The following CDK14 variants were observed in gnomAD, a reference collection of about 807,000 sequenced individuals.
The protein encoded by CDK14 is cyclin dependent kinase 14, also known as cyclin-dependent kinase 14.
CDK14 carries 34 observed loss-of-function variants against 60.7 expected under a neutral mutation model. That is an observed-to-expected ratio of 0.56 (90% CI 0.43 to 0.75). The LOEUF (loss-of-function observed/expected upper bound fraction) is 0.75, where lower values mean the gene tolerates loss of function less well. Among genes scored for constraint, CDK14 ranks in the 30% least tolerant of loss-of-function variants. The pLI, the probability that CDK14 is intolerant of heterozygous loss-of-function variation, is 0.00. For synonymous variants in CDK14, 197 were observed against 203.7 expected (o/e 0.97, Z 0.28); for missense variants, 482 against 564.1 (o/e 0.85, Z 1.47).
chr7:91,029,743 C>G (rs556133177), intron 10 of CDK14, among the ~76,000 whole-genome samples: 27 of 152,036 alleles, frequency 1.8e-4, no homozygotes, highest in African/African-American at 6.3e-4. Flanking sequence ...GATTTGTGTA[C>G]ATTGATTTTT....
intron 12 of CDK14, among the ~76,000 whole-genome samples, chr7:91,105,626 A>T (rs982690607): frequency 6.6e-6 from 1 of 152,120 alleles, no homozygotes; most frequent in African/African-American, 2.4e-5. Flanking sequence ...CAGGTTTCCC[A>T]TAGATTAACA....
intron 2 of CDK14, among the ~76,000 whole-genome samples, chr7:90,657,887 T>A (rs181004269): frequency 3.4e-4 from 52 of 152,358 alleles, no homozygotes; most frequent in Non-Finnish European, 4.4e-4. Context: ...CAAGGCCCAG[T>A]GAGCCTAGGT....
chr7:90,925,551 T>C (rs1793392568), intron 8 of CDK14, among the ~76,000 whole-genome samples: 1 of 152,212 alleles, frequency 6.6e-6, no homozygotes, highest in African/African-American at 2.4e-5. Context: ...GAATCACTGA[T>C]ACCAGAATTA....
rs576575974 is a variant in CDK14, at chr7:90,918,229, A to C, written c.826+505A>C. ...ATACACAATAATGTACATTGCCCTG[A>C]GGCTTTAATAACTAGAAATCTAGAT... On this transcript the variant is annotated intron_variant, in intron 8 of 14. Transcript: ENST00000380050. Among the ~76,000 whole-genome samples the C allele has an allele frequency of 5.3e-5, 8 of 152,314 alleles. No individual in the cohort carries two copies. In the South Asian group the frequency reaches 1.7e-3, roughly 32 times the overall value.
At chr7:90,901,277 A>G (rs1270128038) in intron 7 of CDK14, among the ~76,000 whole-genome samples, 2 of 152,170 alleles carry the variant, frequency 1.3e-5, no homozygotes, top group Non-Finnish European at 2.9e-5. Flanking sequence ...AAACTTAATG[A>G]TGAGTGAAAT....
chr7:90,619,708 A>G (rs1411846382), intron 2 of CDK14, among the ~76,000 whole-genome samples: 2 of 152,212 alleles, frequency 1.3e-5, no homozygotes, highest in African/African-American at 2.4e-5. Flanking sequence ...ACTGAAGGAA[A>G]AAAAGAACTG....
intron 5 of CDK14, among the ~76,000 whole-genome samples, chr7:90,809,312 G>T (rs1169323012): frequency 6.6e-6 from 1 of 152,132 alleles, no homozygotes; most frequent in African/African-American, 2.4e-5. Flanking sequence ...TCAGGATTCA[G>T]AAACTCACTC....
chr7:91,152,235 C>G (rs1164540630), intron 14 of CDK14, among the ~76,000 whole-genome samples: 4 of 152,208 alleles, frequency 2.6e-5, no homozygotes, highest in Non-Finnish European at 4.4e-5. Flanking sequence ...AGCATACCAA[C>G]TAGAATTACC....
intron 12 of CDK14, among the ~76,000 whole-genome samples, chr7:91,088,819 C>T (rs559046822): frequency 6.6e-6 from 1 of 152,276 alleles, no homozygotes; most frequent in Non-Finnish European, 1.5e-5. Flanking sequence ...TGATTTCCCA[C>T]TCTTCCTGCA....
intron 7 of CDK14, among the ~76,000 whole-genome samples, chr7:90,915,137 G>A (rs901420653): frequency 6.6e-6 from 1 of 152,064 alleles, no homozygotes; most frequent in African/African-American, 2.4e-5. Flanking sequence ...GGAAGAGAGG[G>A]CTTTTCTGGC....
At chr7:90,989,112 C>T (rs1205234185) in intron 10 of CDK14, among the ~76,000 whole-genome samples, 1 of 151,936 alleles carries the variant, frequency 6.6e-6, no homozygotes, top group Non-Finnish European at 1.5e-5. Context: ...CTGTGCTTTG[C>T]ATTAAACTGA....
At chr7:91,039,798 A>C (rs1269256613) in intron 10 of CDK14, among the ~76,000 whole-genome samples, 1 of 151,944 alleles carries the variant, frequency 6.6e-6, no homozygotes, top group Non-Finnish European at 1.5e-5. Flanking sequence ...CCTCTTAAAA[A>C]ATTTCCTTCT....
intron 4 of CDK14, among the ~76,000 whole-genome samples, chr7:90,761,331 GT>G (rs5885744): frequency 0.014 from 2,069 of 144,736 alleles, 58 homozygotes; most frequent in African/African-American, 0.048. Flanking sequence ...ACTCTTTGGG[GT>G]TTTTTTTTTT....
intron 8 of CDK14, among the ~76,000 whole-genome samples, chr7:90,925,426 A>C (rs575795085): frequency 6.6e-6 from 1 of 152,232 alleles, no homozygotes; most frequent in African/African-American, 2.4e-5. Context: ...CTGAGGCATA[A>C]GCAGAGGATG....
chr7:90,852,430 A>T (rs1464092049), intron 5 of CDK14, among the ~76,000 whole-genome samples: 1 of 152,144 alleles, frequency 6.6e-6, no homozygotes, highest in Non-Finnish European at 1.5e-5. Context: ...TCTTGCTTTT[A>T]TGTATTTCCA....
chr7:90,641,013 A>G (rs911764177), intron 2 of CDK14, among the ~76,000 whole-genome samples: 1 of 152,020 alleles, frequency 6.6e-6, no homozygotes, highest in Non-Finnish European at 1.5e-5. Context: ...TTTATTAGCC[A>G]TCAGGGAAAT....
intron 4 of CDK14, among the ~76,000 whole-genome samples, chr7:90,771,427 G>A (rs1295773186): frequency 1.3e-5 from 2 of 152,162 alleles, no homozygotes; most frequent in Non-Finnish European, 2.9e-5. Flanking sequence ...CTGAGTTCTT[G>A]TCTTATGACC....
At chr7:90,965,367 A>G (rs1794722160) in intron 9 of CDK14, among the ~76,000 whole-genome samples, 1 of 152,146 alleles carries the variant, frequency 6.6e-6, no homozygotes, top group South Asian at 2.1e-4. Flanking sequence ...GAGTGACTGT[A>G]TACTTTTCCC....
intron 8 of CDK14, among the ~76,000 whole-genome samples, chr7:90,934,596 T>G (rs926579484): frequency 6.6e-5 from 10 of 152,260 alleles, no homozygotes; most frequent in Non-Finnish European, 1.3e-4. Context: ...ACCAGTTAGT[T>G]TTTTTATTTT....
Sources: gnomAD v4.1 joint callset for allele counts (sites outside exome capture counted in the v4.1 genomes callset) on GRCh38, gnomAD v4.1.1 for gene constraint, MANE v1.5 for transcripts, NCBI Gene and HGNC (gene_info 2026-07-23, HGNC 2026-07-21) for gene names.